Variants in CRIM1 observed in about 807,000 individuals in gnomAD.
CRIM1 encodes cysteine-rich motor neuron 1 protein.
A neutral mutation model predicts 116.4 loss-of-function variants in CRIM1; 32 were observed. The observed-to-expected ratio is 0.27, with a 90% CI of 0.21 to 0.37. The LOEUF is 0.37. Ranked by LOEUF, CRIM1 falls within the 10% of genes least tolerant of loss-of-function variation. The probability of loss-of-function intolerance (pLI) is 1.00; values close to 1 mark genes in which losing one functional copy is unlikely to be tolerated. For missense variants in CRIM1, 1,331 were observed against 1,354.8 expected (o/e 0.98, Z 0.28); for synonymous variants, 590 against 509.2 (o/e 1.16, Z -2.13).
At chr2:36,408,222 C>G (rs79258115) in intron 2 of CRIM1, among the ~76,000 whole-genome samples, 1,768 of 152,352 alleles carry the variant, frequency 0.012, 45 homozygotes, top group African/African-American at 0.04. Flanking sequence ...GTGCCTAAAA[C>G]TTCACCAACC....
chr2:36,435,868 A>G (rs1675270619), intron 2 of CRIM1, among the ~76,000 whole-genome samples: 1 of 151,486 alleles, frequency 6.6e-6, no homozygotes, highest in South Asian at 2.1e-4. Context: ...TTATTTTTCC[A>G]TAGTTACTTC....
chr2:36,409,265 C>A (rs1477394444), intron 2 of CRIM1, among the ~76,000 whole-genome samples: 2 of 152,130 alleles, frequency 1.3e-5, no homozygotes, highest in African/African-American at 4.8e-5. Context: ...CTCAGAAGCC[C>A]AGCATCATCT....
At chr2:36,474,847 CAAAAAA>C (rs56084308) in intron 5 of CRIM1, among the ~76,000 whole-genome samples, 4,367 of 90,766 alleles carry the variant, frequency 0.048, 173 homozygotes, top group African/African-American at 0.1. Flanking sequence ...GACTCTATAT[CAAAAAA>C]AAAAAAAAAA....
rs1664837866 is a variant in CRIM1 at position 36,513,575 on chromosome 2, G to T, written c.1800G>T (p.Gly600=). The change falls in exon 11 of 17, where the codon GGG becomes GGT. Residue 600 remains glycine, a synonymous_variant. Transcript: ENST00000280527. The part of the protein sequence containing the change: ...CKCREASASA[G]PPILSGTCLT... The stretch of plus-strand genomic sequence containing the variant: ...GTCCAGAGGCCTCTGCTTCAGCTGG[G>T]CCACCCATCCTGTCGGGCACTTGTC... The T allele has an allele frequency of 6.2e-7, 1 of 1,613,940 alleles. No individual in the cohort carries two copies. The highest frequency in any genetic ancestry group is 1.3e-5 in the African/African-American group (1 of 74,896).
At chr2:36,379,983 AGGGATATTTTCTCCAT>A (rs1670618925) in intron 1 of CRIM1, among the ~76,000 whole-genome samples, 1 of 151,698 alleles carries the variant, frequency 6.6e-6, no homozygotes, top group Admixed American at 6.6e-5. Context: ...TTGACCACTC[AGGGATATTTTCTCCAT>A]GGACTGTCTT....
chr2:36,514,609 A>C (rs1664914617), intron 11 of CRIM1, among the ~76,000 whole-genome samples: 1 of 152,210 alleles, frequency 6.6e-6, no homozygotes, highest in Admixed American at 6.5e-5. Context: ...ATCTTGTATC[A>C]GATTTCTTTC....
Position 36,356,433 on chromosome 2 carries a change from G to A in CRIM1, c.141G>A (p.Glu47=), listed in dbSNP as rs762557289. 175 of 1,611,430 alleles carry A rather than the reference G, an allele frequency of 1.1e-4. No individual in the cohort carries two copies. The highest frequency in any genetic ancestry group is 1.4e-4 in the Non-Finnish European group (167 of 1,179,674). ...CLPCDESKCE[E]PRNCPGSIVQ... is the part of the protein sequence containing the mutation. Reference sequence around the variant, plus strand: ...CCTGTGACGAGTCCAAGTGCGAGGAGCCCAGGAACTGCCCGGGGAGCATCG... The same window carrying A: ...CCTGTGACGAGTCCAAGTGCGAGGAACCCAGGAACTGCCCGGGGAGCATCG... The change falls in exon 1 of 17, where the codon GAG becomes GAA. Residue 47 remains glutamate (E), a synonymous_variant. Coordinates refer to ENST00000280527, the MANE Select transcript of CRIM1 (RefSeq NM_016441.3). This position sits in a 1 kb window ranked among gnomAD's most constrained non-coding sequence, Gnocchi z 4.3.
At chr2:36,371,722 C>T (rs148815549) in intron 1 of CRIM1, among the ~76,000 whole-genome samples, 391 of 152,258 alleles carry the variant, frequency 2.6e-3, no homozygotes, top group African/African-American at 9.0e-3. Flanking sequence ...GTCAGTTTGT[C>T]ATAAAGGTGT....
At chr2:36,397,770 A>C (rs191774793) in intron 2 of CRIM1, among the ~76,000 whole-genome samples, 1 of 152,306 alleles carries the variant, frequency 6.6e-6, no homozygotes, top group East Asian at 1.9e-4. Context: ...ACAAAATAAC[A>C]TTTCTCTTTG....
intron 11 of CRIM1, among the ~76,000 whole-genome samples, chr2:36,517,032 G>A (rs1665074137): frequency 6.6e-6 from 1 of 152,184 alleles, no homozygotes; most frequent in Admixed American, 6.5e-5. Context: ...AGAGGCCCCT[G>A]TTCTCATCTC....
At chr2:36,406,761 T>C (rs1471101329) in intron 2 of CRIM1, among the ~76,000 whole-genome samples, 1 of 152,222 alleles carries the variant, frequency 6.6e-6, no homozygotes, top group Non-Finnish European at 1.5e-5. Context: ...TCCTAAATTT[T>C]AAGTTACACA....
Position 36,356,278 on chromosome 2 carries a change from C to T in CRIM1, c.-15C>T, listed in dbSNP as rs377642245. On this transcript the variant is annotated 5_prime_UTR_variant, in exon 1 of 17. Coordinates refer to ENST00000280527, the MANE Select transcript of CRIM1 (RefSeq NM_016441.3). The surrounding 1 kb of genome is among the most constrained non-coding windows in gnomAD (Gnocchi z 4.3). ...CGGCCCGGCTGCGAGGAGGAGGCGG[C>T]GGCGGCGCAGGAGGATGTACTTGGT... 4.8e-4 allele frequency: 664 copies of T among 1,376,742 alleles called. No individual in the cohort carries two copies. The highest frequency in any genetic ancestry group is 3.5e-3 in the Middle Eastern group (13 of 3,758). 85.3% of individuals were successfully genotyped at this position (1,376,742 alleles called of 1,614,324 possible).
rs1199572085 is a variant in CRIM1, at chr2:36,550,157, T to G, written c.*1456T>G. 6.6e-6 allele frequency: 1 copy of G among 152,500 alleles called. No homozygotes were observed. Among genetic ancestry groups the G allele is most frequent in the Admixed American group, 6.5e-5 (1 of 15,270 alleles). The allele number at this position is 152,500 out of a possible 1,614,324, so 9.4% of individuals were successfully genotyped here. On this transcript the variant is annotated 3_prime_UTR_variant, in exon 17 of 17. Transcript: ENST00000280527. ...AAAATCTTCCTCATTTGGATTTGCT[T>G]TCAGTTGGTTTTCAATTTGCTCACT...
At chr2:36,485,676 C>T (rs1402263497) in intron 7 of CRIM1, among the ~76,000 whole-genome samples, 1 of 152,168 alleles carries the variant, frequency 6.6e-6, no homozygotes, top group Non-Finnish European at 1.5e-5. Context: ...CGGAGTCAAA[C>T]ATAGTTTGGC....
chr2:36,365,147 G>A (rs529857204), intron 1 of CRIM1, among the ~76,000 whole-genome samples: 4 of 152,266 alleles, frequency 2.6e-5, no homozygotes, highest in Middle Eastern at 3.4e-3. Flanking sequence ...GGAAACATGC[G>A]TTGGTTTGAT....
intron 8 of CRIM1, among the ~76,000 whole-genome samples, chr2:36,506,946 A>C (rs1245711800): frequency 1.3e-5 from 2 of 151,710 alleles, no homozygotes; most frequent in African/African-American, 4.8e-5. Flanking sequence ...TGCAGCCTCG[A>C]CCTCCTGGGT....
chr2:36,531,854 T>C (rs747498202), intron 13 of CRIM1: 7 of 468,178 alleles, frequency 1.5e-5, no homozygotes, highest in South Asian at 9.4e-5. Context: ...CAAGATAATA[T>C]TGCTCATATC....
chr2:36,487,676 A>G (rs1340003115), intron 7 of CRIM1, among the ~76,000 whole-genome samples: 1 of 152,214 alleles, frequency 6.6e-6, no homozygotes, highest in Non-Finnish European at 1.5e-5. Flanking sequence ...TCTGAAAGCA[A>G]CTATGAAGAG....
At chr2:36,430,162 A>C (rs888074) in intron 2 of CRIM1, among the ~76,000 whole-genome samples, 49,489 of 152,098 alleles carry the variant, frequency 0.33, 8,320 homozygotes, top group South Asian at 0.5. Context: ...AAAGGTGCTT[A>C]TAAACCCATA....
Sources: allele counts gnomAD v4.1 joint callset (sites outside exome capture counted in the v4.1 genomes callset), GRCh38; gene constraint gnomAD v4.1.1; non-coding constraint Gnocchi (gnomAD v3.1); transcripts MANE v1.5; gene names NCBI Gene and HGNC (gene_info 2026-07-23, HGNC 2026-07-21).